Variants in ROBO2 observed in about 807,000 individuals in gnomAD.
The protein encoded by ROBO2 is roundabout guidance receptor 2.
ROBO2 carries 53 observed loss-of-function variants against 160.8 expected under a neutral mutation model. That is an observed-to-expected ratio of 0.33 (90% CI 0.26 to 0.41). The LOEUF is 0.41. ROBO2 is among the 10% of genes least tolerant of loss of function. The pLI, the probability that ROBO2 is intolerant of heterozygous loss-of-function variation, is 1.00. For missense variants in ROBO2, 1,577 were observed against 1,722.4 expected (o/e 0.92, Z 1.49); for synonymous variants, 664 against 611.7 (o/e 1.09, Z -1.26).
chr3:76,964,182 C>G (rs975120947), intron 2 of ROBO2, among the ~76,000 whole-genome samples: 1 of 152,006 alleles, frequency 6.6e-6, no homozygotes, highest in Non-Finnish European at 1.5e-5. Flanking sequence ...AAGTTTTTTT[C>G]TCATATGTGT....
At chr3:77,207,547 G>A (rs902315952) in intron 2 of ROBO2, among the ~76,000 whole-genome samples, 48 of 152,308 alleles carry the variant, frequency 3.2e-4, no homozygotes, top group African/African-American at 1.1e-3. Flanking sequence ...ATGTACATAA[G>A]TGGAGTCATA....
At chr3:76,077,735 T>C (rs568717386) in intron 2 of ROBO2, among the ~76,000 whole-genome samples, 37 of 152,216 alleles carry the variant, frequency 2.4e-4, no homozygotes, top group African/African-American at 8.7e-4. Context: ...TAAGAAACTT[T>C]AGATGTAAAG....
At chr3:77,467,954 G>A (rs1255367954) in intron 2 of ROBO2, among the ~76,000 whole-genome samples, 2 of 152,138 alleles carry the variant, frequency 1.3e-5, no homozygotes, top group African/African-American at 4.8e-5. Context: ...CTGCAGCTGA[G>A]CAAGACATTG....
chr3:77,456,027 A>G lies in ROBO2; in HGVS notation c.389-21387A>G, dbSNP rs184407914. On this transcript the variant is annotated intron_variant, in intron 2 of 25. Transcript: ENST00000461745. ...CAGCATGTCTTCTTGTAGTAGAGTG[A>G]TAGAGGAATTATTCAGAAAGTATTG... 8.1e-4 allele frequency among the ~76,000 whole-genome samples: 123 copies of G among 152,280 alleles called. 1 individual carries two copies. The highest frequency in any genetic ancestry group is 3.1e-4 in the Non-Finnish European group (21 of 68,022).
At chr3:77,164,978 G>A (rs1219076358) in intron 2 of ROBO2, among the ~76,000 whole-genome samples, 3 of 149,266 alleles carry the variant, frequency 2.0e-5, no homozygotes, top group Non-Finnish European at 3.0e-5. Context: ...CCCCGTCCGG[G>A]AGGTGAGGGG....
At chr3:76,063,237 G>A (rs920939317) in intron 2 of ROBO2, among the ~76,000 whole-genome samples, 1 of 152,088 alleles carries the variant, frequency 6.6e-6, no homozygotes. Flanking sequence ...GTGGCAGAGG[G>A]CATTGGGCCT....
intron 2 of ROBO2, among the ~76,000 whole-genome samples, chr3:77,375,194 A>G (rs1168382794): frequency 6.6e-6 from 1 of 152,270 alleles, no homozygotes; most frequent in African/African-American, 2.4e-5. Flanking sequence ...CCTGGGAAAC[A>G]GAGCAAGACC....
intron 2 of ROBO2, among the ~76,000 whole-genome samples, chr3:76,066,076 C>T (rs895688816): frequency 2.6e-4 from 40 of 151,904 alleles, no homozygotes; most frequent in African/African-American, 9.4e-4. Context: ...CACAATTTAT[C>T]ATGTAGCTTT....
At chr3:77,563,801 T>C (rs575918089) in intron 11 of ROBO2, among the ~76,000 whole-genome samples, 2 of 152,286 alleles carry the variant, frequency 1.3e-5, no homozygotes, top group South Asian at 4.1e-4. Context: ...CTATTAGATA[T>C]GCCTGAGAGA....
chr3:76,621,677 T>TAAATGA (rs1343746476), intron 2 of ROBO2, among the ~76,000 whole-genome samples: 3 of 152,212 alleles, frequency 2.0e-5, no homozygotes, highest in African/African-American at 7.2e-5. Flanking sequence ...AGTTAATATT[T>TAAATGA]GTTAACCACT....
intron 2 of ROBO2, among the ~76,000 whole-genome samples, chr3:76,855,782 G>A (rs80211838): frequency 0.019 from 2,858 of 152,054 alleles, 59 homozygotes; most frequent in African/African-American, 0.054. Context: ...ATTCTAATGG[G>A]TTTCTGCACA....
chr3:76,590,238 A>G (rs1270725942), intron 2 of ROBO2, among the ~76,000 whole-genome samples: 2 of 152,162 alleles, frequency 1.3e-5, no homozygotes, highest in East Asian at 3.8e-4. Flanking sequence ...ATGTATGCTA[A>G]TATTATTTTA....
intron 2 of ROBO2, among the ~76,000 whole-genome samples, chr3:76,653,649 G>A (rs1181364396): frequency 4.6e-5 from 7 of 151,802 alleles, no homozygotes; most frequent in East Asian, 3.9e-4. Flanking sequence ...AAAAATCGAG[G>A]CGTTCACACA....
intron 2 of ROBO2, among the ~76,000 whole-genome samples, chr3:77,322,789 TA>T (rs2064868324): frequency 7.4e-6 from 1 of 135,106 alleles, no homozygotes; most frequent in African/African-American, 2.7e-5. Flanking sequence ...TATTATAATA[TA>T]TTATGTAATA....
intron 4 of ROBO2, among the ~76,000 whole-genome samples, chr3:77,488,186 C>T (rs893299292): frequency 1.1e-4 from 17 of 152,126 alleles, no homozygotes; most frequent in Non-Finnish European, 2.4e-4. Flanking sequence ...CCATACTTTA[C>T]AGAAACACAC....
intron 2 of ROBO2, among the ~76,000 whole-genome samples, chr3:76,847,377 A>G (rs1428919433): frequency 6.6e-6 from 1 of 152,148 alleles, no homozygotes; most frequent in Non-Finnish European, 1.5e-5. Flanking sequence ...ACACGTTATC[A>G]GCACCCAGGA....
intron 24 of ROBO2, among the ~76,000 whole-genome samples, chr3:77,639,314 A>T (rs1348011873): frequency 6.6e-6 from 1 of 152,310 alleles, no homozygotes; most frequent in East Asian, 1.9e-4. Flanking sequence ...CTGCCTTTTT[A>T]TATTTTAGTT....
chr3:77,144,532 C>T (rs778197611), intron 2 of ROBO2, among the ~76,000 whole-genome samples: 5 of 152,134 alleles, frequency 3.3e-5, no homozygotes, highest in African/African-American at 4.8e-5. Context: ...ATATATAAAA[C>T]GCACATGCAT....
chr3:76,782,573 A>G lies in ROBO2; in HGVS notation c.110-315441A>G, dbSNP rs184524949. ...CATGATGCTCTAATATTGAGTGCAC[A>G]TATATTTATAATGGTAATGTCCATT... On this transcript the variant is annotated intron_variant, in intron 2 of 26. Transcript: ENST00000487694. Among the ~76,000 whole-genome samples the G allele has an allele frequency of 9.6e-4, 145 of 150,960 alleles. 1 individual carries two copies. Among genetic ancestry groups the G allele is most frequent in the African/African-American group, 3.4e-3 (140 of 41,400 alleles).
Sources: gnomAD v4.1 joint callset for allele counts (sites outside exome capture counted in the v4.1 genomes callset) on GRCh38, gnomAD v4.1.1 for gene constraint, MANE v1.5 for transcripts, NCBI Gene and HGNC (gene_info 2026-07-23, HGNC 2026-07-21) for gene names.